TSPAN3: variants seen among roughly 807,000 people sequenced by gnomAD.
TSPAN3 encodes the protein tetraspanin 3.
A neutral mutation model predicts 31.1 loss-of-function variants in TSPAN3; 9 were observed. The observed-to-expected ratio is 0.29, with a 90% CI of 0.17 to 0.50. The LOEUF (loss-of-function observed/expected upper bound fraction) is 0.50. TSPAN3 is among the 20% of genes least tolerant of loss of function. The probability of loss-of-function intolerance (pLI) is 0.98; values close to 1 mark genes in which losing one functional copy is unlikely to be tolerated. For synonymous variants in TSPAN3, 129 were observed against 114.3 expected (o/e 1.13, Z -0.82); for missense variants, 252 against 313.5 (o/e 0.80, Z 1.48).
rs1049914304 is a variant in TSPAN3, at chr15:77,048,454, T to C, written c.670-1527A>G. Reference sequence around the variant, plus strand: ...CTCAAAATGAGGTCTGAAATAAGTATTTCTTTCCCAATTTGTTTATTTCAA... The same window carrying C: ...CTCAAAATGAGGTCTGAAATAAGTACTTCTTTCCCAATTTGTTTATTTCAA... On this transcript the variant is annotated intron_variant, in intron 6 of 6. Coordinates refer to ENST00000267970, the MANE Select transcript of TSPAN3 (RefSeq NM_005724.6). 2.0e-5 allele frequency among the ~76,000 whole-genome samples: 3 copies of C among 151,860 alleles called. No individual in the cohort carries two copies. In the East Asian group the frequency reaches 5.8e-4, roughly 29 times the overall value.
At position 77,045,070 on chromosome 15, in the gene TSPAN3, A is replaced by G. The variant is rs1437873556; in HGVS notation, c.*1765T>C. On this transcript the variant is annotated 3_prime_UTR_variant, in exon 7 of 7. Transcript: ENST00000267970. ...CCATTTTCAGGTGGGACAGATCTGCATGATATTTGGGCATCTCAAAACTGA... is the reference window on the plus strand; with the variant it reads ...CCATTTTCAGGTGGGACAGATCTGCGTGATATTTGGGCATCTCAAAACTGA... The G allele has an allele frequency of 6.6e-6, 1 of 152,138 alleles. No homozygotes were observed. Among genetic ancestry groups the G allele is most frequent in the East Asian group, 1.9e-4 (1 of 5,186 alleles). The allele number at this position is 152,138 out of a possible 1,614,324, so 9.4% of individuals were successfully genotyped here.
chr15:77,051,288 G>A (rs1341802492), intron 6 of TSPAN3, among the ~76,000 whole-genome samples: 2 of 152,122 alleles, frequency 1.3e-5, no homozygotes, highest in South Asian at 2.1e-4. Context: ...AGTACTTTGG[G>A]AGGCCGAGGC....
chr15:77,061,481 T>C (rs2076800384), intron 1 of TSPAN3, among the ~76,000 whole-genome samples: 1 of 152,108 alleles, frequency 6.6e-6, no homozygotes, highest in Non-Finnish European at 1.5e-5. Flanking sequence ...TGAGCCGAGA[T>C]TGCGCCACTG....
chr15:77,048,937 T>G (rs930181357), intron 6 of TSPAN3, among the ~76,000 whole-genome samples: 1 of 152,202 alleles, frequency 6.6e-6, no homozygotes, highest in Non-Finnish European at 1.5e-5. Flanking sequence ...AGAAACACTC[T>G]TTTCTGAGAA....
At chr15:77,064,331 A>G (rs940673851) in intron 1 of TSPAN3, 1 of 152,196 alleles carries the variant, frequency 6.6e-6, no homozygotes, top group East Asian at 1.9e-4. Context: ...CTATTTCTCA[A>G]AAAAAGGTCA....
At chr15:77,060,428 G>T (rs979704017) in intron 1 of TSPAN3, among the ~76,000 whole-genome samples, 4 of 152,136 alleles carry the variant, frequency 2.6e-5, no homozygotes, top group African/African-American at 7.2e-5. Flanking sequence ...CCTAAAAACA[G>T]CCAAAAGTAA....
At chr15:77,066,098 T>C (rs2076831188) in intron 1 of TSPAN3, among the ~76,000 whole-genome samples, 1 of 152,200 alleles carries the variant, frequency 6.6e-6, no homozygotes, top group African/African-American at 2.4e-5. Context: ...TTGTATAACA[T>C]AGGACTTGAT....
At chr15:77,051,205 G>A (rs1409488953) in intron 6 of TSPAN3, among the ~76,000 whole-genome samples, 1 of 151,888 alleles carries the variant, frequency 6.6e-6, no homozygotes, top group South Asian at 2.1e-4. Context: ...GGCTCTTTTA[G>A]CTCTTGAAAT....
At position 77,041,804 on chromosome 15, in the gene TSPAN3, C is replaced by T. The variant is rs1230741801; in HGVS notation, c.*5031G>A. ...TTGAAACTAGATACAGGCAGTGGTT[C>T]TATAGCATGGTGAATGTACTCAAGG... On this transcript the variant is annotated 3_prime_UTR_variant, in exon 7 of 7. Coordinates refer to ENST00000267970, the MANE Select transcript of TSPAN3 (RefSeq NM_005724.6). The T allele has an allele frequency of 6.6e-6, 1 of 152,284 alleles. No homozygotes were observed. Among genetic ancestry groups the T allele is most frequent in the East Asian group, 1.9e-4 (1 of 5,190 alleles). The allele number at this position is 152,284 out of a possible 1,614,324, so 9.4% of individuals were successfully genotyped here.
rs552216307 is a variant in TSPAN3 at position 77,044,405 on chromosome 15, A to T, written c.*2430T>A. ...ATTTGCATGGCCCTGGCCAACACAGACAACATCCCCTTCTAGTGGTTCCCA... is the reference window on the plus strand; with the variant it reads ...ATTTGCATGGCCCTGGCCAACACAGTCAACATCCCCTTCTAGTGGTTCCCA... On this transcript the variant is annotated 3_prime_UTR_variant, in exon 7 of 7. Transcript: ENST00000267970. 6.6e-6 allele frequency: 1 copy of T among 152,392 alleles called. No individual in the cohort carries two copies. The highest frequency in any genetic ancestry group is 1.5e-5 in the Non-Finnish European group (1 of 68,052). 9.4% of individuals were successfully genotyped at this position (152,392 alleles called of 1,614,324 possible).
Position 77,052,438 on chromosome 15 carries a change from G to A in TSPAN3, c.616C>T (p.Gln206Ter), listed in dbSNP as rs2076738317. ...GCEALVVKKL[Q>*]EIMMHVIWAA... ...CAGATCACATGCATCATGATTTCTTGTAGCTTCTTCACTACTAGAGCCTCA... is the reference window on the plus strand; with the variant it reads ...CAGATCACATGCATCATGATTTCTTATAGCTTCTTCACTACTAGAGCCTCA... The change falls in exon 6 of 7, where the codon CAA becomes TAA. Residue 206 changes from glutamine (Q) to a stop codon, truncating the protein, a stop_gained. Coordinates refer to ENST00000267970, the MANE Select transcript of TSPAN3 (RefSeq NM_005724.6). LOFTEE classifies it high-confidence loss of function. 10 of 1,614,028 alleles carry A rather than the reference G, an allele frequency of 6.2e-6. No homozygotes were observed. The highest frequency in any genetic ancestry group is 8.5e-6 in the Non-Finnish European group (10 of 1,180,022).
intron 1 of TSPAN3, chr15:77,068,430 TTAGAG>T (rs2076846724): frequency 6.6e-6 from 1 of 152,224 alleles, no homozygotes; most frequent in African/African-American, 2.4e-5. Context: ...AACTGATATT[TTAGAG>T]TAAATAAAAA....
At chr15:77,053,049 A>C in intron 4 of TSPAN3, 120 bp from the exon 5 acceptor site, 1 of 994,194 alleles carries the variant, frequency 1.0e-6, no homozygotes. Flanking sequence ...ACTTTCTATA[A>C]TGGAAAGTCT....
chr15:77,058,360 C>G lies in TSPAN3; in HGVS notation c.64-2105G>C, dbSNP rs111390847. 1.9e-3 allele frequency among the ~76,000 whole-genome samples: 291 copies of G among 152,212 alleles called. 2 individuals are homozygous for G. The highest frequency in any genetic ancestry group is 6.2e-3 in the African/African-American group (259 of 41,516). ...ATAGAACTGTTATACCCAAATGGAC[C>G]ACATATTCTCTCACTTCTTTGCCTC... On this transcript the variant is annotated intron_variant, in intron 1 of 6. Transcript: ENST00000267970.
At position 77,044,277 on chromosome 15, in the gene TSPAN3, T is replaced by G. The variant is rs1002214473; in HGVS notation, c.*2558A>C. 6.6e-6 allele frequency: 1 copy of G among 152,158 alleles called. No homozygotes were observed. The highest frequency in any genetic ancestry group is 6.5e-5 in the Admixed American group (1 of 15,282). 9.4% of individuals were successfully genotyped at this position (152,158 alleles called of 1,614,324 possible). On this transcript the variant is annotated 3_prime_UTR_variant, in exon 7 of 7. Coordinates refer to ENST00000267970, the MANE Select transcript of TSPAN3 (RefSeq NM_005724.6). Reference sequence around the variant, plus strand: ...AGTGGGTGAGCTCACTCACTAAATTTCAGACATGACGAGCAGTGCTTTTGC... The same window carrying G: ...AGTGGGTGAGCTCACTCACTAAATTGCAGACATGACGAGCAGTGCTTTTGC...
Position 77,070,930 on chromosome 15 carries a change from AGGAGGTGATGCC to A in TSPAN3, c.13_24del (p.Gly5_Ser8del). ...TTGAGAAAGACCAGCACGGTCTTGG[AGGAGGTGATGCC>A]GCACTGGCCCATGGCGCCGGTGGCC... On this transcript the variant is annotated inframe_deletion, in exon 1 of 7. Transcript: ENST00000267970. 1 of 1,442,942 alleles carries A rather than the reference AGGAGGTGATGCC, an allele frequency of 6.9e-7. No individual in the cohort carries two copies. Among genetic ancestry groups the A allele is most frequent in the Non-Finnish European group, 9.2e-7 (1 of 1,090,074 alleles). The allele number at this position is 1,442,942 out of a possible 1,614,324, so 89.4% of individuals were successfully genotyped here. A position where few individuals can be genotyped will look rare whatever the true frequency, so the allele number is the denominator to read the frequency against.
intron 1 of TSPAN3, chr15:77,068,381 T>C (rs1449947806): frequency 6.6e-6 from 1 of 152,244 alleles, no homozygotes; most frequent in Non-Finnish European, 1.5e-5. Context: ...ACAGTACATA[T>C]ATTTACACAA....
At chr15:77,066,354 G>T (rs906996585) in intron 1 of TSPAN3, among the ~76,000 whole-genome samples, 3 of 152,046 alleles carry the variant, frequency 2.0e-5, no homozygotes, top group Non-Finnish European at 4.4e-5. Context: ...GATGGATCAA[G>T]AGGTCAGGAG....
chr15:77,070,849 CCGGCCCCGCCGCCGGCCCCTCGCT>C lies in TSPAN3; in HGVS notation c.63+19_63+42del. The C allele has an allele frequency of 8.2e-7, 1 of 1,221,640 alleles. No homozygotes were observed. Among genetic ancestry groups the C allele is most frequent in the Non-Finnish European group, 1.0e-6 (1 of 966,960 alleles). The allele number at this position is 1,221,640 out of a possible 1,614,324, so 75.7% of individuals were successfully genotyped here. On this transcript the variant is annotated intron_variant, in intron 1 of 6. Transcript: ENST00000267970. ...ACGGGCGCCTCCGCCGCGGCCTCGC[CCGGCCCCGCCGCCGGCCCCTCGCT>C]CTGCCCGGCCCCGCTCACCCAGAAG...
Sources: allele counts gnomAD v4.1 joint callset (sites outside exome capture counted in the v4.1 genomes callset), GRCh38; gene constraint gnomAD v4.1.1; transcripts MANE v1.5; gene names NCBI Gene and HGNC (gene_info 2026-07-23, HGNC 2026-07-21).